Variants in LAMA2 observed in about 807,000 individuals in gnomAD.
LAMA2 encodes the protein laminin subunit alpha-2.
In LAMA2, 269 loss-of-function variants were observed where a neutral mutation model predicts 364.8. The ratio of observed to expected loss-of-function variants is 0.74; its 90% CI spans 0.67 to 0.82. The LOEUF (loss-of-function observed/expected upper bound fraction) is 0.82. Among genes scored for constraint, LAMA2 ranks in the 40% least tolerant of loss-of-function variants. LAMA2 has a pLI of 0.00. For missense variants in LAMA2, 3,807 were observed against 3,873.2 expected (o/e 0.98, Z 0.45); for synonymous variants, 1,379 against 1,370.6 (o/e 1.01, Z -0.14).
chr6:129,135,464 T>C (rs1201348452), intron 4 of LAMA2, among the ~76,000 whole-genome samples: 1 of 152,234 alleles, frequency 6.6e-6, no homozygotes, highest in Non-Finnish European at 1.5e-5. Flanking sequence ...GTTAATCTTA[T>C]ATGAGTTCAT....
In LAMA2 at chr6:129,393,032, G is replaced by C. The variant is rs920823785; in HGVS notation, c.5235-13G>C. The C allele has an allele frequency of 1.2e-6, 2 of 1,609,390 alleles. No homozygotes were observed. The highest frequency in any genetic ancestry group is 2.7e-5 in the African/African-American group (2 of 74,794). On this transcript the variant is annotated splice_polypyrimidine_tract_variant and intron_variant, in intron 36 of 64. Transcript: ENST00000421865. Reference sequence around the variant, plus strand: ...GAGCTCATTGTCTATTATTGGGCTGGGGGTGGTTACAGAGCTGCAGAAGCC... The same window carrying C: ...GAGCTCATTGTCTATTATTGGGCTGCGGGTGGTTACAGAGCTGCAGAAGCC...
chr6:129,502,085 T>C (rs1207590764), intron 58 of LAMA2, among the ~76,000 whole-genome samples: 3 of 152,220 alleles, frequency 2.0e-5, no homozygotes, highest in Admixed American at 2.0e-4. Context: ...GTGGGTTACA[T>C]TTTTAAAATG....
intron 41 of LAMA2, among the ~76,000 whole-genome samples, chr6:129,431,223 AC>A (rs1409460431): frequency 6.6e-6 from 1 of 151,962 alleles, no homozygotes; most frequent in Non-Finnish European, 1.5e-5. Flanking sequence ...GCGTGGTGAA[AC>A]CCTGTCTCTA....
At chr6:129,468,896 G>A (rs532770252) in intron 51 of LAMA2, among the ~76,000 whole-genome samples, 1 of 151,962 alleles carries the variant, frequency 6.6e-6, no homozygotes, top group African/African-American at 2.4e-5. Flanking sequence ...CACCAAGGGA[G>A]ACATATGGAG....
At chr6:129,486,720 G>A in intron 56 of LAMA2, 98 bp downstream of exon 56, 1 of 1,131,864 alleles carries the variant, frequency 8.8e-7, no homozygotes, top group Non-Finnish European at 1.3e-6. Context: ...CTGTGTGTGT[G>A]GACCTACTAT....
chr6:128,919,159 T>G (rs34707638), intron 1 of LAMA2, among the ~76,000 whole-genome samples: 10,618 of 152,202 alleles, frequency 0.07, 448 homozygotes, highest in South Asian at 0.12. Flanking sequence ...ATGCTGGAAG[T>G]TTTCTTCTAT....
intron 4 of LAMA2, among the ~76,000 whole-genome samples, chr6:129,131,515 C>A (rs548956978): frequency 6.6e-6 from 1 of 152,280 alleles, no homozygotes; most frequent in African/African-American, 2.4e-5. Context: ...AGCAAAGGAA[C>A]AAGAACACTG....
intron 1 of LAMA2, among the ~76,000 whole-genome samples, chr6:128,933,857 T>C (rs950775506): frequency 2.6e-5 from 4 of 152,230 alleles, no homozygotes; most frequent in African/African-American, 7.2e-5. Context: ...ATCATATATA[T>C]GGTTTGCCAA....
intron 4 of LAMA2, among the ~76,000 whole-genome samples, chr6:129,121,272 T>G (rs527372773): frequency 6.6e-6 from 1 of 152,316 alleles, no homozygotes; most frequent in South Asian, 2.1e-4. Context: ...CTTTCTAAAT[T>G]GGGAGATTTA....
At chr6:129,180,671 C>G (rs1454297931) in intron 10 of LAMA2, among the ~76,000 whole-genome samples, 1 of 152,072 alleles carries the variant, frequency 6.6e-6, no homozygotes, top group Non-Finnish European at 1.5e-5. Context: ...ACTTCTCCCA[C>G]TTTTGCTATT....
chr6:129,441,455 ATATTT>A (rs1278134706), intron 43 of LAMA2, among the ~76,000 whole-genome samples: 12 of 152,150 alleles, frequency 7.9e-5, no homozygotes, highest in Admixed American at 7.9e-4. Flanking sequence ...GAAAATCTTG[ATATTT>A]TATTATTTAG....
At chr6:129,190,377 C>T in intron 11 of LAMA2, 32 bp downstream of exon 11, 1 of 1,606,908 alleles carries the variant, frequency 6.2e-7, no homozygotes, top group Non-Finnish European at 8.5e-7. Flanking sequence ...CTGTTTGCTG[C>T]CCCAGCAGCC....
intron 17 of LAMA2, among the ~76,000 whole-genome samples, chr6:129,274,203 T>C (rs1350632546): frequency 6.6e-6 from 1 of 151,760 alleles, no homozygotes; most frequent in Non-Finnish European, 1.5e-5. Flanking sequence ...GTTGCACAAC[T>C]GTGATGAGAA....
intron 12 of LAMA2, among the ~76,000 whole-genome samples, chr6:129,202,808 A>G (rs1034206735): frequency 6.6e-6 from 1 of 152,268 alleles, no homozygotes; most frequent in Admixed American, 6.5e-5. Flanking sequence ...TCAGAGAAAT[A>G]GAAGTTGAAA....
chr6:129,473,893 G>A (rs1165128201), intron 52 of LAMA2, among the ~76,000 whole-genome samples: 1 of 151,902 alleles, frequency 6.6e-6, no homozygotes, highest in East Asian at 1.9e-4. Context: ...GCAGTATGGG[G>A]AGACACATTT....
chr6:129,035,560 T>G (rs1786584273), intron 1 of LAMA2, among the ~76,000 whole-genome samples: 1 of 142,196 alleles, frequency 7.0e-6, no homozygotes, highest in Admixed American at 7.3e-5. Flanking sequence ...GCTTTTGCAA[T>G]TAGTCTTAGT....
intron 12 of LAMA2, among the ~76,000 whole-genome samples, chr6:129,212,201 G>T (rs937971796): frequency 6.6e-6 from 1 of 152,174 alleles, no homozygotes; most frequent in African/African-American, 2.4e-5. Flanking sequence ...AATTTTATGA[G>T]CCTGAGTTGC....
intron 2 of LAMA2, among the ~76,000 whole-genome samples, chr6:129,053,456 T>C (rs1034858475): frequency 2.6e-5 from 4 of 152,076 alleles, no homozygotes; most frequent in Admixed American, 6.5e-5. Flanking sequence ...CTAGCTCTTG[T>C]ATAGAATGTA....
At position 128,978,220 on chromosome 6, in the gene LAMA2, C is replaced by A. The variant is rs533383249; in HGVS notation, c.113-71698C>A. Among the ~76,000 whole-genome samples the A allele has an allele frequency of 2.6e-5, 4 of 152,190 alleles. No individual in the cohort carries two copies. In the East Asian group the frequency reaches 7.7e-4, roughly 29 times the overall value. ...AATATTTGTAATGAATCATTGAGGT[C>A]GCTTGTGAATAGTTGAAACTTCCAA... On this transcript the variant is annotated intron_variant, in intron 1 of 64. Coordinates refer to ENST00000421865, the MANE Select transcript of LAMA2 (RefSeq NM_000426.4).
Sources: gnomAD v4.1 joint callset for allele counts (sites outside exome capture counted in the v4.1 genomes callset) on GRCh38, gnomAD v4.1.1 for gene constraint, MANE v1.5 for transcripts, NCBI Gene and HGNC (gene_info 2026-07-23, HGNC 2026-07-21) for gene names.